GREB1L: variants seen among roughly 807,000 people sequenced by gnomAD.
GREB1L encodes the protein GREB1 like retinoic acid receptor coactivator, also known as GREB1-like protein.
In GREB1L, 17 loss-of-function variants were observed where a neutral mutation model predicts 200.8. That is an observed-to-expected ratio of 0.08 (90% CI 0.06 to 0.13). The LOEUF is 0.13. GREB1L is among the 10% of genes least tolerant of loss of function. The probability of loss-of-function intolerance (pLI) is 1.00; values close to 1 mark genes in which losing one functional copy is unlikely to be tolerated. For missense variants in GREB1L, 1,657 were observed against 2,367.7 expected, an observed-to-expected ratio of 0.70 and a Z score of 6.23; for synonymous variants, 789 against 893.0, an observed-to-expected ratio of 0.88 and a Z score of 2.08.
chr18:21,436,615 C>T (rs2033550565), intron 7 of GREB1L, among the ~76,000 whole-genome samples: 1 of 149,328 alleles, frequency 6.7e-6, no homozygotes, highest in Non-Finnish European at 1.5e-5. Flanking sequence ...GCTTGGGTGA[C>T]AGAATGAGAA....
At chr18:21,344,979 A>G (rs904521273) in intron 1 of GREB1L, among the ~76,000 whole-genome samples, 20 of 152,184 alleles carry the variant, frequency 1.3e-4, no homozygotes, top group Non-Finnish European at 2.1e-4. Flanking sequence ...TATCTAATCA[A>G]TTATTCCAAA....
chr18:21,498,339 C>T (rs988888733), intron 21 of GREB1L, among the ~76,000 whole-genome samples: 3 of 152,126 alleles, frequency 2.0e-5, no homozygotes, highest in Admixed American at 6.6e-5. Context: ...CCCTGCTCCC[C>T]CAGCCAGGGG....
chr18:21,337,687 T>C (rs1215426703), intron 1 of GREB1L, among the ~76,000 whole-genome samples: 1 of 152,172 alleles, frequency 6.6e-6, no homozygotes, highest in African/African-American at 2.4e-5. Context: ...GAGAGGTCTT[T>C]TTAAAAATTC....
At chr18:21,377,833 C>T (rs954169100) in intron 2 of GREB1L, among the ~76,000 whole-genome samples, 3 of 152,064 alleles carry the variant, frequency 2.0e-5, no homozygotes, top group Admixed American at 2.0e-4. Flanking sequence ...TCACTTGAAC[C>T]CAGGAGCGGG....
chr18:21,283,981 C>A lies in GREB1L; in HGVS notation c.-120+41588C>A, dbSNP rs538184180. ...TTCAAAGGTTGTAAAACTTTTAAAGCCAGCTTCCTCCTTTGCAAATGCAAC... is the reference window on the plus strand; with the variant it reads ...TTCAAAGGTTGTAAAACTTTTAAAGACAGCTTCCTCCTTTGCAAATGCAAC... On this transcript the variant is annotated intron_variant, in intron 1 of 32. Coordinates refer to ENST00000424526, the MANE Select transcript of GREB1L (RefSeq NM_001142966.3). Among the ~76,000 whole-genome samples, 8 of 152,276 alleles carry A rather than the reference C, an allele frequency of 5.3e-5. No individual in the cohort carries two copies. In the South Asian group the frequency reaches 1.5e-3, roughly 28 times the overall value.
Position 21,524,651 on chromosome 18 carries a change from T to C in GREB1L, c.*1830T>C, listed in dbSNP as rs2037654693. 1 of 152,184 alleles carries C rather than the reference T, an allele frequency of 6.6e-6. No individual in the cohort carries two copies. The highest frequency in any genetic ancestry group is 2.4e-5 in the African/African-American group (1 of 41,448). 9.4% of individuals were successfully genotyped at this position (152,184 alleles called of 1,614,324 possible). On this transcript the variant is annotated 3_prime_UTR_variant, in exon 33 of 33. Transcript: ENST00000424526. ...ACTTGAAAGAATTCTGAAACAATTG[T>C]ACCTGGGGTGGATGGCCTCTCAGGG...
At chr18:21,457,350 G>A (rs1452333926) in intron 15 of GREB1L, among the ~76,000 whole-genome samples, 2 of 151,968 alleles carry the variant, frequency 1.3e-5, no homozygotes, top group East Asian at 3.9e-4. Flanking sequence ...TTCACATCTG[G>A]CTTTGGCATA....
chr18:21,273,034 A>G (rs945932498), intron 1 of GREB1L, among the ~76,000 whole-genome samples: 2 of 152,260 alleles, frequency 1.3e-5, no homozygotes, highest in African/African-American at 4.8e-5. Flanking sequence ...TGAGACCAGC[A>G]TGGCCAACAT....
At chr18:21,261,996 A>G (rs1332717623) in intron 1 of GREB1L, among the ~76,000 whole-genome samples, 1 of 152,132 alleles carries the variant, frequency 6.6e-6, no homozygotes, top group Non-Finnish European at 1.5e-5. Context: ...TAAGTATGAC[A>G]TAATTCTGTA....
chr18:21,295,172 G>T (rs2038507549), intron 1 of GREB1L, among the ~76,000 whole-genome samples: 2 of 152,050 alleles, frequency 1.3e-5, no homozygotes, highest in Non-Finnish European at 2.9e-5. Flanking sequence ...CCTAAAATGG[G>T]GTGGTTAGGG....
chr18:21,500,694 A>T (rs2036752113), intron 23 of GREB1L, 52 bp downstream of exon 23: 2 of 1,284,638 alleles, frequency 1.6e-6, no homozygotes, highest in South Asian at 1.4e-5. Flanking sequence ...AAAGACATTG[A>T]ATTGCAAATC....
chr18:21,373,653 T>C (rs1317316924), intron 2 of GREB1L, among the ~76,000 whole-genome samples: 1 of 152,188 alleles, frequency 6.6e-6, no homozygotes, highest in Non-Finnish European at 1.5e-5. Flanking sequence ...GAACATTTTT[T>C]AGCTGGAATT....
intron 6 of GREB1L, among the ~76,000 whole-genome samples, chr18:21,402,720 G>A (rs1485355249): frequency 1.3e-5 from 2 of 151,564 alleles, no homozygotes; most frequent in African/African-American, 4.8e-5. Context: ...ACAGGGTTTC[G>A]CCATGTTGCC....
intron 15 of GREB1L, among the ~76,000 whole-genome samples, chr18:21,469,161 A>G (rs1357498885): frequency 6.6e-6 from 1 of 152,158 alleles, no homozygotes; most frequent in African/African-American, 2.4e-5. Context: ...CTTGCCTGCA[A>G]TTTATTGTAG....
chr18:21,284,434 G>A (rs1283251539), intron 1 of GREB1L, among the ~76,000 whole-genome samples: 4 of 152,120 alleles, frequency 2.6e-5, no homozygotes, highest in Non-Finnish European at 5.9e-5. Flanking sequence ...ATATAATTGG[G>A]GGGGCTTTTG....
intron 18 of GREB1L, 59 bp from the exon 19 acceptor site, chr18:21,489,953 C>A: frequency 2.4e-6 from 3 of 1,256,840 alleles, no homozygotes; most frequent in Non-Finnish European, 3.4e-6. Flanking sequence ...ACTGCACAGG[C>A]CTTGCTGCTC....
At chr18:21,517,447 C>G (rs1372345815) in intron 30 of GREB1L, among the ~76,000 whole-genome samples, 1 of 152,134 alleles carries the variant, frequency 6.6e-6, no homozygotes, top group African/African-American at 2.4e-5. Context: ...CAACCTCTGC[C>G]TCCCGGGTTC....
intron 19 of GREB1L, among the ~76,000 whole-genome samples, chr18:21,493,140 C>A (rs922749817): frequency 1.2e-4 from 18 of 152,184 alleles, no homozygotes; most frequent in African/African-American, 4.3e-4. Context: ...CAACCTCCTT[C>A]ACCATTTTCA....
intron 2 of GREB1L, among the ~76,000 whole-genome samples, chr18:21,375,341 C>T (rs1325900086): frequency 6.6e-6 from 1 of 151,986 alleles, no homozygotes; most frequent in African/African-American, 2.4e-5. Context: ...GGATTACAGG[C>T]GTGAGCCACC....
Sources: allele counts gnomAD v4.1 joint callset (sites outside exome capture counted in the v4.1 genomes callset), GRCh38; gene constraint gnomAD v4.1.1; transcripts MANE v1.5; gene names NCBI Gene and HGNC (gene_info 2026-07-23, HGNC 2026-07-21).